The following EYS variants were observed in gnomAD, a reference collection of about 807,000 sequenced individuals.
EYS encodes protein eyes shut homolog.
Under a neutral mutation model 282.1 loss-of-function variants are expected in EYS, and 250 were observed. That is an observed-to-expected ratio of 0.89 (90% CI 0.80 to 0.98). The LOEUF (loss-of-function observed/expected upper bound fraction) is 0.98. EYS is among the 50% of genes least tolerant of loss of function. The pLI is 0.00. For missense variants in EYS, 4,016 were observed against 3,709.0 expected, an observed-to-expected ratio of 1.08 and a Z score of -2.15; for synonymous variants, 1,355 against 1,282.9, an observed-to-expected ratio of 1.06 and a Z score of -1.20.
chr6:64,539,292 A>T (rs75292060), intron 26 of EYS, among the ~76,000 whole-genome samples: 44 of 152,336 alleles, frequency 2.9e-4, no homozygotes, highest in African/African-American at 9.4e-4. Context: ...TTAGTGGGGT[A>T]CAGAGGCTCC....
At chr6:64,424,080 A>C (rs977707159) in intron 28 of EYS, among the ~76,000 whole-genome samples, 1 of 152,196 alleles carries the variant, frequency 6.6e-6, no homozygotes, top group Non-Finnish European at 1.5e-5. Context: ...GTTCTTCAAT[A>C]ATTAACATAA....
At chr6:64,907,566 A>G (rs575839941) in intron 16 of EYS, among the ~76,000 whole-genome samples, 92 of 152,310 alleles carry the variant, frequency 6.0e-4, no homozygotes, top group Non-Finnish European at 1.1e-3. Context: ...AAAATTGAAG[A>G]AAGAACTGTA....
At chr6:63,774,676 T>C (rs764002607) in intron 40 of EYS, among the ~76,000 whole-genome samples, 22 of 152,208 alleles carry the variant, frequency 1.4e-4, no homozygotes, top group Admixed American at 4.6e-4. Context: ...ACAATGTATA[T>C]ATATTTTGAA....
Position 65,170,836 on chromosome 6 carries a change from TTTAAAG to T in EYS, c.2024-113115_2024-113110del, listed in dbSNP as rs1213815414. Reference sequence around the variant, plus strand: ...ATCATCATAAATTTTCTCACTTATTTTTAAAGTTATTTAGAAATCTTTGAATATCCA... The same window carrying T: ...ATCATCATAAATTTTCTCACTTATTTTTATTTAGAAATCTTTGAATATCCA... On this transcript the variant is annotated intron_variant, in intron 12 of 42. Coordinates refer to ENST00000503581, the MANE Select transcript of EYS (RefSeq NM_001142800.2). Among the ~76,000 whole-genome samples, 7 of 151,544 alleles carry T rather than the reference TTTAAAG, an allele frequency of 4.6e-5. 1 individual carries two copies.
intron 22 of EYS, among the ~76,000 whole-genome samples, chr6:64,711,445 C>T (rs994763068): frequency 3.9e-5 from 6 of 152,022 alleles, no homozygotes; most frequent in African/African-American, 1.5e-4. Flanking sequence ...AATTGCAATT[C>T]AATAGTTTAT....
At chr6:65,209,758 C>T (rs570979968) in intron 12 of EYS, among the ~76,000 whole-genome samples, 1 of 151,980 alleles carries the variant, frequency 6.6e-6, no homozygotes, top group South Asian at 2.1e-4. Flanking sequence ...ATTGTACATA[C>T]TATGGTCAGG....
intron 12 of EYS, among the ~76,000 whole-genome samples, chr6:65,137,828 T>G (rs1361954507): frequency 6.6e-6 from 1 of 152,110 alleles, no homozygotes; most frequent in Non-Finnish European, 1.5e-5. Context: ...ATAAATATGT[T>G]GAATCTCAAT....
At chr6:65,262,358 T>C (rs938141189) in intron 12 of EYS, among the ~76,000 whole-genome samples, 1 of 152,116 alleles carries the variant, frequency 6.6e-6, no homozygotes, top group Non-Finnish European at 1.5e-5. Flanking sequence ...ACTTAATGTA[T>C]AATTGAATAA....
intron 12 of EYS, among the ~76,000 whole-genome samples, chr6:65,278,669 C>T (rs1241942769): frequency 6.6e-6 from 1 of 151,950 alleles, no homozygotes; most frequent in Middle Eastern, 3.2e-3. Flanking sequence ...CTTTGTCATG[C>T]TCACTATTGT....
At position 63,757,243 on chromosome 6, in the gene EYS, TC is replaced by T. The variant is rs543239943; in HGVS notation, c.8071+5217del. Among the ~76,000 whole-genome samples the T allele has an allele frequency of 7.2e-5, 11 of 152,130 alleles. No homozygotes were observed. The South Asian group carries it at 2.1e-3, about 29-fold the overall frequency. On this transcript the variant is annotated intron_variant, in intron 41 of 42. Transcript: ENST00000503581. ...TGGGGGGAGGTCTATAAATGGCCGC[TC>T]TGGCAGTGTCTGTGTTATGCGGTTG...
chr6:65,140,088 A>G (rs1489077918), intron 12 of EYS, among the ~76,000 whole-genome samples: 2 of 152,156 alleles, frequency 1.3e-5, no homozygotes, highest in Non-Finnish European at 2.9e-5. Context: ...TGATCTGAAA[A>G]GAATTTTCAA....
chr6:64,167,932 T>C (rs569845492), intron 31 of EYS, among the ~76,000 whole-genome samples: 1 of 151,970 alleles, frequency 6.6e-6, no homozygotes, highest in East Asian at 1.9e-4. Flanking sequence ...AATGATAAGA[T>C]ATTACTTTCT....
chr6:65,480,033 C>T (rs1418661709), intron 5 of EYS, among the ~76,000 whole-genome samples: 1 of 150,368 alleles, frequency 6.7e-6, no homozygotes, highest in African/African-American at 2.4e-5. Context: ...TGCATGGTGG[C>T]ACGTGCCTGT....
intron 14 of EYS, among the ~76,000 whole-genome samples, chr6:64,992,973 C>A (rs1771119162): frequency 6.6e-6 from 1 of 151,964 alleles, no homozygotes; most frequent in Non-Finnish European, 1.5e-5. Context: ...GGCAAGGGTA[C>A]AGAGAAGGTC....
At chr6:63,748,119 C>A (rs1769254389) in intron 41 of EYS, among the ~76,000 whole-genome samples, 1 of 152,144 alleles carries the variant, frequency 6.6e-6, no homozygotes, top group Admixed American at 6.5e-5. Context: ...GTGCTTCCTT[C>A]AGGAGCTTTG....
intron 36 of EYS, among the ~76,000 whole-genome samples, chr6:63,841,565 A>C (rs1030533730): frequency 3.9e-5 from 6 of 152,118 alleles, no homozygotes; most frequent in Non-Finnish European, 7.4e-5. Context: ...AACTCTTACT[A>C]TTTTGTAATG....
intron 12 of EYS, among the ~76,000 whole-genome samples, chr6:65,141,665 A>G (rs113836482): frequency 2.4e-5 from 2 of 84,310 alleles, no homozygotes; most frequent in African/African-American, 1.1e-4. Context: ...CTATCTATCT[A>G]TCTATCTATC....
chr6:64,163,794 C>G (rs566595173), intron 31 of EYS, among the ~76,000 whole-genome samples: 1 of 152,112 alleles, frequency 6.6e-6, no homozygotes, highest in Non-Finnish European at 1.5e-5. Flanking sequence ...ATATGCATTT[C>G]TACTTTGGAA....
At chr6:64,066,629 G>T in intron 32 of EYS, 138 bp from the exon 33 acceptor site, 4 of 626,158 alleles carry the variant, frequency 6.4e-6, no homozygotes, top group Non-Finnish European at 1.1e-5. Context: ...ATTATTCAGT[G>T]TAATAAGTAC....
Sources: gnomAD v4.1 joint callset for allele counts (sites outside exome capture counted in the v4.1 genomes callset) on GRCh38, gnomAD v4.1.1 for gene constraint, MANE v1.5 for transcripts, NCBI Gene and HGNC (gene_info 2026-07-23, HGNC 2026-07-21) for gene names.